Variants in GPAT4 observed in about 807,000 individuals in gnomAD.
GPAT4 encodes 1-AGP acyltransferase 6.
Under a neutral mutation model 58.0 loss-of-function variants are expected in GPAT4, and 17 were observed. The observed-to-expected ratio is 0.29, with a 90% confidence interval of 0.20 to 0.44. The LOEUF is 0.44. Among genes scored for constraint, GPAT4 ranks in the 20% least tolerant of loss-of-function variants. The pLI is 1.00. For synonymous variants in GPAT4, 204 were observed against 210.1 expected, an observed-to-expected ratio of 0.97 and a Z score of 0.25; for missense variants, 377 against 574.5, an observed-to-expected ratio of 0.66 and a Z score of 3.51.
intron 12 of GPAT4, among the ~76,000 whole-genome samples, chr8:41,620,488 CATTTTACAGATAG>C (rs1396007972): frequency 6.6e-6 from 1 of 152,190 alleles, no homozygotes; most frequent in Non-Finnish European, 1.5e-5. Flanking sequence ...AAACAAATGA[CATTTTACAGATAG>C]ATTTTACAGA....
rs901527506 is a variant in GPAT4 at position 41,623,345 on chromosome 8, A to T, written c.*2344A>T. 3 of 152,268 alleles carry T rather than the reference A, an allele frequency of 2.0e-5. No homozygotes were observed. Among genetic ancestry groups the T allele is most frequent in the Non-Finnish European group, 4.4e-5 (3 of 68,056 alleles). The allele number at this position is 152,268 out of a possible 1,614,324, so 9.4% of individuals were successfully genotyped here. ...GTTGGTCTTATGGGGCAAAAACTCA[A>T]GACACTTAGAAACATGCAAAGTACA... On this transcript the variant is annotated 3_prime_UTR_variant, in exon 13 of 13. Transcript: ENST00000396987.
chr8:41,579,957 C>T (rs1371554677), intron 1 of GPAT4, among the ~76,000 whole-genome samples: 2 of 152,112 alleles, frequency 1.3e-5, no homozygotes, highest in Non-Finnish European at 2.9e-5. Flanking sequence ...AGTGACTTGT[C>T]CAGAGCTGCA....
chr8:41,620,761 TGA>T (rs1359455324), intron 12 of GPAT4, 130 bp from the exon 13 acceptor site: 4 of 1,428,206 alleles, frequency 2.8e-6, no homozygotes, highest in Non-Finnish European at 2.8e-6. Context: ...GTTGTCTTGG[TGA>T]GAGTGCCACG....
chr8:41,593,511 C>T (rs1301843985), intron 1 of GPAT4, among the ~76,000 whole-genome samples: 1 of 152,186 alleles, frequency 6.6e-6, no homozygotes, highest in Non-Finnish European at 1.5e-5. Context: ...CCTCATGCTT[C>T]GGCCGTGTGT....
chr8:41,610,204 C>G (rs941596187), intron 4 of GPAT4: 43 of 1,353,636 alleles, frequency 3.2e-5, no homozygotes, highest in Non-Finnish European at 3.8e-5. Context: ...ACAGCAAACA[C>G]AGGGACAGGG....
At chr8:41,581,129 A>G (rs139900402) in intron 1 of GPAT4, among the ~76,000 whole-genome samples, 338 of 152,300 alleles carry the variant, frequency 2.2e-3, no homozygotes, top group African/African-American at 6.1e-3. Context: ...ACGGAATATC[A>G]TCCGTTCCAT....
At chr8:41,600,741 A>G (rs972162434) in intron 2 of GPAT4, among the ~76,000 whole-genome samples, 1 of 152,182 alleles carries the variant, frequency 6.6e-6, no homozygotes, top group African/African-American at 2.4e-5. Flanking sequence ...CCCCACACTC[A>G]TTAAGCATTC....
chr8:41,580,825 TTG>T (rs1386052978), intron 1 of GPAT4, among the ~76,000 whole-genome samples: 6 of 152,198 alleles, frequency 3.9e-5, no homozygotes, highest in Non-Finnish European at 8.8e-5. Context: ...GAGGCAACTG[TTG>T]TGTGTCTATT....
Position 41,622,378 on chromosome 8 carries a change from A to T in GPAT4, c.*1377A>T, listed in dbSNP as rs978990660. On this transcript the variant is annotated 3_prime_UTR_variant, in exon 13 of 13. Transcript: ENST00000396987. Reference sequence around the variant, plus strand: ...GCCAGAGCAGGCACCACAGGAAAAGAGTCGGCCACTGGTGCCTGCTGTACA... The same window carrying T: ...GCCAGAGCAGGCACCACAGGAAAAGTGTCGGCCACTGGTGCCTGCTGTACA... 2 of 152,460 alleles carry T rather than the reference A, an allele frequency of 1.3e-5. No individual in the cohort carries two copies. The highest frequency in any genetic ancestry group is 2.9e-5 in the Non-Finnish European group (2 of 68,152). The allele number at this position is 152,460 out of a possible 1,614,324, so 9.4% of individuals were successfully genotyped here.
chr8:41,603,925 G>GAAT (rs1803179137), intron 2 of GPAT4, among the ~76,000 whole-genome samples: 1 of 151,998 alleles, frequency 6.6e-6, no homozygotes, highest in Non-Finnish European at 1.5e-5. Flanking sequence ...ATGAATGAAT[G>GAAT]GTGTATTCAC....
rs116301290 is a variant in GPAT4, at chr8:41,584,569, T to C, written c.-849+6291T>C. Among the ~76,000 whole-genome samples, 479 of 152,238 alleles carry C rather than the reference T, an allele frequency of 3.1e-3. 2 individuals are homozygous for C. Among genetic ancestry groups the C allele is most frequent in the African/African-American group, 0.011 (465 of 41,546 alleles). On this transcript the variant is annotated intron_variant, in intron 1 of 12. Coordinates refer to ENST00000396987, the MANE Select transcript of GPAT4 (RefSeq NM_178819.4). ...AAGTAAATTGGATAAAAAGATTTTT[T>C]GAACAAGAAAAAGGCCAGGAAGTTG...
At chr8:41,585,750 ATGTT>A (rs1802635410) in intron 1 of GPAT4, among the ~76,000 whole-genome samples, 1 of 152,182 alleles carries the variant, frequency 6.6e-6, no homozygotes, top group Non-Finnish European at 1.5e-5. Context: ...GATTCCCTGT[ATGTT>A]TGGCCATCAT....
At chr8:41,603,372 C>T (rs187713596) in intron 2 of GPAT4, among the ~76,000 whole-genome samples, 3 of 151,982 alleles carry the variant, frequency 2.0e-5, no homozygotes, top group East Asian at 1.9e-4. Context: ...ACTAAAAATA[C>T]AAAATTAGCC....
chr8:41,607,479 C>G (rs560655723), intron 2 of GPAT4, among the ~76,000 whole-genome samples: 27 of 152,002 alleles, frequency 1.8e-4, no homozygotes, highest in Non-Finnish European at 3.7e-4. Context: ...GTCATATATT[C>G]TCTGCCTATT....
chr8:41,593,972 A>T (rs1349758694), intron 1 of GPAT4, among the ~76,000 whole-genome samples: 1 of 152,188 alleles, frequency 6.6e-6, no homozygotes, highest in Non-Finnish European at 1.5e-5. Context: ...TGCTTCCTGG[A>T]TGATTTTTAT....
intron 1 of GPAT4, among the ~76,000 whole-genome samples, chr8:41,581,585 G>A (rs942706081): frequency 6.0e-5 from 9 of 151,048 alleles, no homozygotes; most frequent in East Asian, 1.9e-4. Flanking sequence ...CCAAAGGGTC[G>A]GAATTACAGA....
rs145246949 is a variant in GPAT4 at position 41,614,718 on chromosome 8, G to A, written c.968-245G>A. 6.9e-4 allele frequency among the ~76,000 whole-genome samples: 105 copies of A among 152,300 alleles called. No individual in the cohort carries two copies. In the East Asian group the frequency reaches 0.014, roughly 20 times the overall value. On this transcript the variant is annotated intron_variant, in intron 9 of 12. Transcript: ENST00000396987. ...CATGGTGTCCTCCTAAGGCCACTGCGCGTCTCTGCTTTATCTAGGCTGTGT... is the reference window on the plus strand; with the variant it reads ...CATGGTGTCCTCCTAAGGCCACTGCACGTCTCTGCTTTATCTAGGCTGTGT...
At chr8:41,590,426 G>A (rs1378518394) in intron 1 of GPAT4, among the ~76,000 whole-genome samples, 1 of 152,222 alleles carries the variant, frequency 6.6e-6, no homozygotes, top group African/African-American at 2.4e-5. Context: ...GAGACAGGAA[G>A]AAGTAGGGGT....
chr8:41,596,453 C>G (rs1802936013), intron 1 of GPAT4, among the ~76,000 whole-genome samples: 1 of 152,302 alleles, frequency 6.6e-6, no homozygotes, highest in Admixed American at 6.5e-5. Flanking sequence ...GTGATCAGGC[C>G]ACGCTTCCAC....
Sources: allele counts gnomAD v4.1 joint callset (sites outside exome capture counted in the v4.1 genomes callset), GRCh38; gene constraint gnomAD v4.1.1; transcripts MANE v1.5; gene names NCBI Gene and HGNC (gene_info 2026-07-23, HGNC 2026-07-21).